Variants in SMARCA4 observed in about 807,000 individuals in gnomAD.
SMARCA4 encodes SWI/SNF-related matrix-associated actin-dependent regulator of chromatin subfamily A member 4.
Under a neutral mutation model 193.9 loss-of-function variants are expected in SMARCA4, and 31 were observed. That is an observed-to-expected ratio of 0.16 (90% CI 0.12 to 0.22). The LOEUF is 0.22. Ranked by LOEUF, SMARCA4 falls within the 10% of genes least tolerant of loss-of-function variation. SMARCA4 has a pLI of 1.00. For synonymous variants in SMARCA4, 942 were observed against 933.1 expected (o/e 1.01, Z -0.17); for missense variants, 1,148 against 2,296.0 (o/e 0.50, Z 10.22).
In SMARCA4 at chr19:11,058,163, C is replaced by T. The variant is rs2076650156; in HGVS notation, c.4425-92C>T. ...GCTCCTGAGCTGAGTTGGAATTTCT[C>T]ATCCTTAAACAATGTGGGAACCTGC... On this transcript the variant is annotated intron_variant, in intron 30 of 34. Coordinates refer to ENST00000344626, the MANE Select transcript of SMARCA4 (RefSeq NM_003072.5). This position sits in a 1 kb window ranked among gnomAD's most constrained non-coding sequence, Gnocchi z 5.8. 13 of 805,986 alleles carry T rather than the reference C, an allele frequency of 1.6e-5. No homozygotes were observed. The South Asian group carries it at 1.6e-4, about 10-fold the overall frequency. The allele number at this position is 805,986 out of a possible 1,614,324, so 49.9% of individuals were successfully genotyped here. A position where few individuals can be genotyped will look rare whatever the true frequency, so the allele number is the denominator to read the frequency against.
At chr19:11,002,709 C>T (rs2087754576) in intron 11 of SMARCA4, among the ~76,000 whole-genome samples, 1 of 148,290 alleles carries the variant, frequency 6.7e-6, no homozygotes, top group African/African-American at 2.5e-5. Flanking sequence ...CAGAGAATTG[C>T]TTGAACCCAG....
At chr19:10,977,137 C>G (rs368497493) in intron 1 of SMARCA4, among the ~76,000 whole-genome samples, 6 of 152,120 alleles carry the variant, frequency 3.9e-5, no homozygotes, top group Non-Finnish European at 8.8e-5. Context: ...CCAGGGTGGG[C>G]GTGTCATGGC....
In SMARCA4 at chr19:11,058,210, G is replaced by A. The variant is rs764537205; in HGVS notation, c.4425-45G>A. 4.5e-6 allele frequency: 6 copies of A among 1,345,154 alleles called. No homozygotes were observed. The highest frequency in any genetic ancestry group is 3.2e-6 in the Non-Finnish European group (3 of 943,024). 83.3% of individuals were successfully genotyped at this position (1,345,154 alleles called of 1,614,324 possible). On this transcript the variant is annotated intron_variant, in intron 30 of 34. Transcript: ENST00000344626. This position sits in a 1 kb window ranked among gnomAD's most constrained non-coding sequence, Gnocchi z 5.8. Reference sequence around the variant, plus strand: ...CTGCTGAGGTGGGGTGGGGGCTCCCGGGTGGGCGGACTCGGGGGTGATAGC... The same window carrying A: ...CTGCTGAGGTGGGGTGGGGGCTCCCAGGTGGGCGGACTCGGGGGTGATAGC...
intron 11 of SMARCA4, among the ~76,000 whole-genome samples, chr19:11,002,140 A>G (rs983173773): frequency 5.9e-5 from 9 of 152,204 alleles, no homozygotes; most frequent in Non-Finnish European, 1.0e-4. Context: ...ATACCAGTGG[A>G]AAACTGTGAA....
chr19:10,979,547 T>C (rs2085399159), intron 1 of SMARCA4, among the ~76,000 whole-genome samples: 1 of 151,286 alleles, frequency 6.6e-6, no homozygotes, highest in South Asian at 2.1e-4. Context: ...AAAAAAAACT[T>C]GTAGAGACAG....
chr19:10,992,113 C>CTT (rs545950698), intron 8 of SMARCA4, among the ~76,000 whole-genome samples: 12 of 142,102 alleles, frequency 8.4e-5, no homozygotes, highest in Non-Finnish European at 1.2e-4. Context: ...TCTCTGTTAA[C>CTT]TTTTTTTTTT....
chr19:10,989,828 A>G (rs2086400648), intron 7 of SMARCA4, among the ~76,000 whole-genome samples: 1 of 151,772 alleles, frequency 6.6e-6, no homozygotes, highest in Non-Finnish European at 1.5e-5. Context: ...CAGCCTCCCA[A>G]GTAGCTGGGA....
intron 14 of SMARCA4, among the ~76,000 whole-genome samples, chr19:11,008,783 G>A (rs1291802861): frequency 1.3e-5 from 2 of 151,992 alleles, no homozygotes; most frequent in Non-Finnish European, 2.9e-5. Flanking sequence ...AGACCAGCCT[G>A]GCCAACTTGG....
intron 11 of SMARCA4, among the ~76,000 whole-genome samples, 165 bp downstream of exon 11, chr19:10,996,709 C>T (rs745525565): frequency 1.3e-4 from 20 of 152,212 alleles, no homozygotes; most frequent in Non-Finnish European, 2.9e-4. Flanking sequence ...CCCCACATCC[C>T]ACATGTTGTG....
chr19:11,013,247 C>G, intron 16 of SMARCA4, 135 bp downstream of exon 16: 1 of 978,082 alleles, frequency 1.0e-6, no homozygotes, highest in Non-Finnish European at 1.6e-6. Flanking sequence ...GGCCAGAAGT[C>G]CAGGGTCAAG....
intron 24 of SMARCA4, among the ~76,000 whole-genome samples, chr19:11,029,895 C>T (rs1359742618): frequency 1.3e-5 from 2 of 152,084 alleles, no homozygotes; most frequent in African/African-American, 4.8e-5. Flanking sequence ...AGGCTGGTCT[C>T]GAACTCCTGT....
chr19:11,003,268 C>T (rs776655534), intron 12 of SMARCA4, 72 bp from the exon 13 acceptor site: 3 of 1,602,638 alleles, frequency 1.9e-6, no homozygotes, highest in South Asian at 1.1e-5. Context: ...GAATTCCCGG[C>T]AGGTTTGGTA....
chr19:11,059,122 GAA>G (rs1198478633), intron 32 of SMARCA4: 2 of 473,374 alleles, frequency 4.2e-6, no homozygotes, highest in African/African-American at 3.9e-5. Context: ...AAAAAAAAAA[GAA>G]AAAATTAAAA....
At chr19:11,016,856 A>G (rs995268258) in intron 16 of SMARCA4, among the ~76,000 whole-genome samples, 1 of 152,088 alleles carries the variant, frequency 6.6e-6, no homozygotes, top group African/African-American at 2.4e-5. Context: ...TGGCACCAAG[A>G]GATGCTGCAG....
chr19:11,031,194 A>C lies in SMARCA4; in HGVS notation c.3546+301A>C, dbSNP rs2074906323. ...CCATGAGGAGGTGGAAAGTATCCTG[A>C]TCAATCTGCGCCGTCACTGTGGGGC... On this transcript the variant is annotated intron_variant, in intron 25 of 34. Transcript: ENST00000344626. This position sits in a 1 kb window ranked among gnomAD's most constrained non-coding sequence, Gnocchi z 4.3. 2.3e-6 allele frequency: 1 copy of C among 426,682 alleles called. No homozygotes were observed. The allele number at this position is 426,682 out of a possible 1,614,324, so 26.4% of individuals were successfully genotyped here. A position where few individuals can be genotyped will look rare whatever the true frequency, so the allele number is the denominator to read the frequency against.
At position 11,003,179 on chromosome 19, in the gene SMARCA4, C is replaced by A. The variant is rs559223589; in HGVS notation, c.1943+20C>A. The A allele has an allele frequency of 1.2e-6, 2 of 1,613,762 alleles. No homozygotes were observed. Among genetic ancestry groups the A allele is most frequent in the African/African-American group, 2.7e-5 (2 of 74,886 alleles). ...CCCGGGGTGAGTTGGGCCTTGCATT[C>A]CAGATGCAGTGGGGATCCAAGTCCT... On this transcript the variant is annotated intron_variant, in intron 12 of 34. Transcript: ENST00000344626.
rs896788152 is a variant in SMARCA4 at position 11,062,016 on chromosome 19, T to C, written c.*200T>C. On this transcript the variant is annotated 3_prime_UTR_variant, in exon 35 of 35. Coordinates refer to ENST00000344626, the MANE Select transcript of SMARCA4 (RefSeq NM_003072.5). ...CCTGTCCTGGCATCAGTAGCATCTGTAACAGCATTAACTGTCTTAAAGAGA... is the reference window on the plus strand; with the variant it reads ...CCTGTCCTGGCATCAGTAGCATCTGCAACAGCATTAACTGTCTTAAAGAGA... The C allele has an allele frequency of 4.8e-6, 3 of 628,650 alleles. No homozygotes were observed. The African/African-American group carries it at 5.4e-5, about 11-fold the overall frequency. 38.9% of individuals were successfully genotyped at this position (628,650 alleles called of 1,614,324 possible). A position where few individuals can be genotyped will look rare whatever the true frequency, so the allele number is the denominator to read the frequency against.
intron 13 of SMARCA4, among the ~76,000 whole-genome samples, chr19:11,004,053 G>A (rs2087923919): frequency 6.6e-6 from 1 of 151,458 alleles, no homozygotes; most frequent in African/African-American, 2.4e-5. Flanking sequence ...GACTTGCTGT[G>A]TTGCCCAGGC....
Position 10,986,605 on chromosome 19 carries a change from T to C in SMARCA4, c.760+12T>C, listed in dbSNP as rs1462652766. The C allele has an allele frequency of 6.5e-7, 1 of 1,535,650 alleles. No homozygotes were observed. Among genetic ancestry groups the C allele is most frequent in the South Asian group, 1.2e-5 (1 of 84,050 alleles). ...CAGCAGGCCTCATGGTAAGACTGGC[T>C]GCCCTGGCCCTCAGGTGTCTCAGAG... is the stretch of plus-strand genomic sequence containing the variant. On this transcript the variant is annotated intron_variant, in intron 4 of 34. Coordinates refer to ENST00000344626, the MANE Select transcript of SMARCA4 (RefSeq NM_003072.5). The surrounding 1 kb of genome is among the most constrained non-coding windows in gnomAD (Gnocchi z 6.7).
Sources: gnomAD v4.1 joint callset for allele counts (sites outside exome capture counted in the v4.1 genomes callset) on GRCh38, gnomAD v4.1.1 for gene constraint, Gnocchi (gnomAD v3.1) non-coding constraint, MANE v1.5 for transcripts, NCBI Gene and HGNC (gene_info 2026-07-23, HGNC 2026-07-21) for gene names.